Variants in PDE4D observed in about 807,000 individuals in gnomAD.
The protein encoded by PDE4D is 3',5'-cyclic-AMP phosphodiesterase 4D.
A neutral mutation model predicts 87.4 loss-of-function variants in PDE4D; 24 were observed. The ratio of observed to expected loss-of-function variants is 0.27; its 90% CI spans 0.20 to 0.39. PDE4D has a LOEUF of 0.39. Ranked by LOEUF, PDE4D falls within the 10% of genes least tolerant of loss-of-function variation. The pLI is 1.00. For synonymous variants in PDE4D, 384 were observed against 383.2 expected (o/e 1.00, Z -0.02); for missense variants, 714 against 1,041.0 (o/e 0.69, Z 4.32).
intron 1 of PDE4D, among the ~76,000 whole-genome samples, chr5:59,497,318 C>T (rs1029336999): frequency 1.3e-5 from 2 of 152,094 alleles, no homozygotes; most frequent in African/African-American, 4.8e-5. Context: ...ATCTCACTAG[C>T]TCCCAAGCAA....
chr5:60,023,791 T>C (rs1177218221), intron 2 of PDE4D, among the ~76,000 whole-genome samples: 1 of 152,130 alleles, frequency 6.6e-6, no homozygotes, highest in African/African-American at 2.4e-5. Context: ...TATTCACATA[T>C]AATGAGTGAC....
chr5:60,202,493 A>G (rs1245427086), intron 1 of PDE4D, among the ~76,000 whole-genome samples: 2 of 152,298 alleles, frequency 1.3e-5, no homozygotes, highest in African/African-American at 4.8e-5. Context: ...TTAAAACAAA[A>G]ACTTCTATAT....
chr5:59,300,020 G>A (rs1327097301), intron 1 of PDE4D, among the ~76,000 whole-genome samples: 1 of 147,806 alleles, frequency 6.8e-6, no homozygotes, highest in Admixed American at 7.0e-5. Flanking sequence ...GCTGAGGCAG[G>A]AGAATCGCTT....
chr5:59,976,110 C>A (rs1761303793), intron 3 of PDE4D, among the ~76,000 whole-genome samples: 1 of 152,118 alleles, frequency 6.6e-6, no homozygotes, highest in Admixed American at 6.6e-5. Flanking sequence ...CAGACTCTCA[C>A]TATTTGTTGG....
At chr5:60,120,919 A>G (rs2149378057) in intron 2 of PDE4D, among the ~76,000 whole-genome samples, 1 of 152,262 alleles carries the variant, frequency 6.6e-6, no homozygotes, top group African/African-American at 2.4e-5. Context: ...GGGCTGGGAA[A>G]GGCAGACCCA....
chr5:59,987,533 C>T (rs1399845174), intron 3 of PDE4D: 3 of 152,138 alleles, frequency 2.0e-5, no homozygotes, highest in Non-Finnish European at 1.5e-5. Context: ...GCCAAATTTC[C>T]TCTGAGCACA....
At chr5:59,754,000 T>C (rs1010505342) in intron 1 of PDE4D, among the ~76,000 whole-genome samples, 28 of 152,184 alleles carry the variant, frequency 1.8e-4, no homozygotes, top group African/African-American at 6.3e-4. Context: ...CTGAAGTTTC[T>C]ATCAACAGTG....
At chr5:60,047,579 A>T (rs991676590) in intron 2 of PDE4D, among the ~76,000 whole-genome samples, 1 of 151,972 alleles carries the variant, frequency 6.6e-6, no homozygotes, top group African/African-American at 2.4e-5. Context: ...CTTTGTTCTC[A>T]TTGGTTTCAA....
intron 1 of PDE4D, among the ~76,000 whole-genome samples, chr5:60,418,309 T>C (rs6868537): frequency 0.14 from 21,425 of 152,142 alleles, 1,597 homozygotes; most frequent in African/African-American, 0.17. Context: ...TATATCCCTA[T>C]TTTTAAAGCA....
chr5:60,160,014 TG>T (rs747095435), intron 2 of PDE4D, among the ~76,000 whole-genome samples: 1 of 152,178 alleles, frequency 6.6e-6, no homozygotes, highest in Non-Finnish European at 1.5e-5. Flanking sequence ...CTGCCACCCC[TG>T]AGACAGCAAG....
chr5:60,167,353 C>T (rs1243239878), intron 2 of PDE4D, among the ~76,000 whole-genome samples: 3 of 149,382 alleles, frequency 2.0e-5, no homozygotes, highest in South Asian at 2.1e-4. Flanking sequence ...CTGCAGGCTC[C>T]GCCCCCTGGG....
intron 1 of PDE4D, among the ~76,000 whole-genome samples, chr5:59,811,802 C>T (rs1199693047): frequency 6.6e-6 from 1 of 152,208 alleles, no homozygotes; most frequent in Non-Finnish European, 1.5e-5. Flanking sequence ...ACTCTATTTT[C>T]TCATATGTAA....
In PDE4D at chr5:59,076,247, G is replaced by C. The variant is rs531817943; in HGVS notation, c.809-37276C>G. On this transcript the variant is annotated intron_variant, in intron 5 of 14. Transcript: ENST00000340635. ...AAAAACAACAGTTTTTTACATGTAA[G>C]AGGAGCTCCTTGGCAGATAAAAGAA... Among the ~76,000 whole-genome samples the C allele has an allele frequency of 2.5e-3, 376 of 152,230 alleles. 1 individual carries two copies. The highest frequency in any genetic ancestry group is 8.6e-3 in the African/African-American group (357 of 41,556).
At chr5:60,339,386 T>C (rs1297343516) in intron 1 of PDE4D, among the ~76,000 whole-genome samples, 2 of 152,144 alleles carry the variant, frequency 1.3e-5, no homozygotes, top group Admixed American at 6.5e-5. Flanking sequence ...GCGAGTCACA[T>C]GGACAGCATG....
At chr5:59,040,652 T>C (rs1380374785) in intron 5 of PDE4D, among the ~76,000 whole-genome samples, 1 of 152,218 alleles carries the variant, frequency 6.6e-6, no homozygotes, top group Non-Finnish European at 1.5e-5. Context: ...TACATTAGCA[T>C]GCAATAAGCA....
chr5:60,315,483 T>C (rs1210173467), intron 1 of PDE4D, among the ~76,000 whole-genome samples: 1 of 152,206 alleles, frequency 6.6e-6, no homozygotes, highest in Non-Finnish European at 1.5e-5. Flanking sequence ...AGAAGCTCTT[T>C]AGTTTAACTA....
In PDE4D at chr5:59,893,277, G is replaced by C; in HGVS notation, c.346C>G (p.Leu116Val). 1.3e-6 allele frequency: 2 copies of C among 1,548,096 alleles called. No homozygotes were observed. Among genetic ancestry groups the C allele is most frequent in the Non-Finnish European group, 1.7e-6 (2 of 1,145,688 alleles). ...HRGYSDTERY[L>V]YCRAMDRTSY... ...GTGCGGTCCATGGCGCGACAGTACA[G>C]GTAGCGCTCGGTGTCCGAGTAGCCG... Residue 116 changes from leucine to valine, a missense_variant, in exon 1 of 15, where the codon CTG (leucine) becomes GTG (valine). Leu to Val is a conservative substitution (Grantham distance 32, BLOSUM62 1). This residue lies in a region of PDE4D where 268 missense variants were observed against 272.9 expected (regional missense o/e 0.98). Transcript: ENST00000340635.
At chr5:60,407,152 G>A (rs1239282838) in intron 1 of PDE4D, among the ~76,000 whole-genome samples, 1 of 152,102 alleles carries the variant, frequency 6.6e-6, no homozygotes, top group Non-Finnish European at 1.5e-5. Flanking sequence ...GTGACAAGAG[G>A]GTCGTTGAGT....
chr5:59,772,798 G>A (rs943408715), intron 1 of PDE4D, among the ~76,000 whole-genome samples: 3 of 152,202 alleles, frequency 2.0e-5, no homozygotes, highest in African/African-American at 7.2e-5. Flanking sequence ...ATAGGCCATG[G>A]AAATGACCTG....
Sources: gnomAD v4.1 joint callset for allele counts (sites outside exome capture counted in the v4.1 genomes callset) on GRCh38, gnomAD v4.1.1 for gene constraint, gnomAD v4.1.1 regional missense constraint, MANE v1.5 for transcripts, NCBI Gene and HGNC (gene_info 2026-07-23, HGNC 2026-07-21) for gene names.